CUL4B: variants seen among roughly 807,000 people sequenced by gnomAD.
The protein encoded by CUL4B is cullin 4B.
In CUL4B, 1 loss-of-function variant was observed where a neutral mutation model predicts 69.2. That is an observed-to-expected ratio of 0.01 (90% CI 0.01 to 0.07). The LOEUF is 0.07. CUL4B is among the 10% of genes least tolerant of loss of function. The probability of loss-of-function intolerance (pLI) is 1.00; values close to 1 mark genes in which losing one functional copy is unlikely to be tolerated. For synonymous variants in CUL4B, 237 were observed against 223.2 expected, an observed-to-expected ratio of 1.06 and a Z score of -0.55; for missense variants, 328 against 638.8, an observed-to-expected ratio of 0.51 and a Z score of 5.24.
chrX:120,543,943 G>C (rs1033334424), intron 7 of CUL4B, 134 bp from the exon 8 acceptor site: 1 of 578,649 alleles, frequency 1.7e-6, no homozygotes, highest in Non-Finnish European at 2.9e-6. Flanking sequence ...TATAGGTAGA[G>C]TTTATGATCC....
downstream of CUL4B, among the ~76,000 whole-genome samples, chrX:120,566,794 A>T (rs752222658): frequency 2.4e-3 from 262 of 111,107 alleles, 1 homozygote; most frequent in African/African-American, 8.4e-3. Context: ...TAGCTCAGAG[A>T]TTTTATCTGT....
chrX:120,561,384 G>T, upstream of CUL4B: 1 of 565,923 alleles, frequency 1.8e-6, no homozygotes. Flanking sequence ...GAAGTGACTG[G>T]GCAGACACTT....
At position 120,547,160 on chromosome X, in the gene CUL4B, T is replaced by C; in HGVS notation, c.752A>G (p.Lys251Arg). The change falls in exon 3 of 20, where the codon AAA becomes AGA. Residue 251 changes from lysine (K) to arginine (R), a missense_variant. Lys to Arg is a conservative substitution (Grantham distance 26, BLOSUM62 2). Transcript: ENST00000371322. Reference protein sequence around the residue: ...QLRQICEDHIKAQIHQFREDS... With the variant: ...QLRQICEDHIRAQIHQFREDS... ...TTCTCTGAATTGATGAATCTGTGCT[T>C]TGATGTGATCTTCGCAGATCTGTCT... 8.3e-7 allele frequency: 1 copy of C among 1,203,846 alleles called. No individual in the cohort carries two copies. The highest frequency in any genetic ancestry group is 1.1e-6 in the Non-Finnish European group (1 of 888,435).
At chrX:120,543,320 C>T (rs914613958) in intron 8 of CUL4B, among the ~76,000 whole-genome samples, 3 of 111,123 alleles carry the variant, frequency 2.7e-5, no homozygotes, top group Non-Finnish European at 5.7e-5. Context: ...TCGGCTTTTT[C>T]CAAGTTTTGC....
At position 120,540,561 on chromosome X, in the gene CUL4B, G is replaced by A. The variant is rs1297543201; in HGVS notation, c.1445C>T (p.Ala482Val). 8.4e-7 allele frequency: 1 copy of A among 1,183,992 alleles called. No individual in the cohort carries two copies. The highest frequency in any genetic ancestry group is 1.8e-5 in the African/African-American group (1 of 56,542). Reference protein sequence around the residue: ...LLQQWIEYIKAFGSTIVINPE... With the variant: ...LLQQWIEYIKVFGSTIVINPE... ...ATTAATTACAATAGTGCTGCCAAAT[G>A]CCTAAAACAAAAAATTACCACTTTT... Residue 482 changes from alanine (A) to valine (V), a missense_variant and splice_region_variant, in exon 11 of 20, where the codon GCA (alanine) becomes GTA (valine). Transcript: ENST00000371322.
rs988160940 is a variant in CUL4B, at chrX:120,526,548, C to G, written c.*213G>C. The G allele has an allele frequency of 3.6e-6, 1 of 279,334 alleles. No individual in the cohort carries two copies. The highest frequency in any genetic ancestry group is 6.6e-6 in the Non-Finnish European group (1 of 151,650). 23.0% of individuals were successfully genotyped at this position (279,334 alleles called of 1,213,427 possible). On this transcript the variant is annotated 3_prime_UTR_variant, in exon 20 of 20. Transcript: ENST00000371322. ...TCTGCACATCATACTAAATAACATG[C>G]AAAGAGTTCAACAACATTCTTCTTA...
At chrX:120,552,439 C>T (rs1348866936) in intron 2 of CUL4B, among the ~76,000 whole-genome samples, 5 of 112,761 alleles carry the variant, frequency 4.4e-5, no homozygotes, top group Admixed American at 9.4e-5. Flanking sequence ...TCAGCCACCG[C>T]ACCCAGCCTT....
downstream of CUL4B, among the ~76,000 whole-genome samples, chrX:120,570,897 A>T (rs2147358098): frequency 9.0e-6 from 1 of 111,340 alleles, no homozygotes; most frequent in East Asian, 2.8e-4. Flanking sequence ...GTATTAAAGT[A>T]TAGAAGGAAA....
rs199575215 is a variant in CUL4B at position 120,544,144 on chromosome X, A to C, written c.1143T>G (p.Ala381=). ...FLEETNRLYA[A]EGQKLMQERE... ...TTTCTTGCATTAATTTTTGGCCTTC[A>C]GCTGCATAGAGCCGGTTAGTTTCTT... Residue 381 remains alanine, a synonymous_variant, in exon 7 of 20, where the codon GCT becomes GCG. Transcript: ENST00000371322. 141 of 1,202,790 alleles carry C rather than the reference A, an allele frequency of 1.2e-4. No individual in the cohort carries two copies. The highest frequency in any genetic ancestry group is 1.6e-4 in the Non-Finnish European group (139 of 888,804).
downstream of CUL4B, among the ~76,000 whole-genome samples, chrX:120,568,270 A>T (rs1925614785): frequency 8.9e-6 from 1 of 111,838 alleles, no homozygotes; most frequent in African/African-American, 3.3e-5. Context: ...CTGACCTCAC[A>T]GTATTGCCTA....
upstream of CUL4B, among the ~76,000 whole-genome samples, chrX:120,566,368 T>C (rs780873097): frequency 8.2e-5 from 5 of 60,998 alleles, no homozygotes; most frequent in African/African-American, 5.0e-5. Flanking sequence ...TATATATATA[T>C]ATATATATAT....
chrX:120,561,550 GA>G (rs1925321399), upstream of CUL4B: 1 of 284,047 alleles, frequency 3.5e-6, no homozygotes, highest in Non-Finnish European at 6.1e-6. Context: ...TTCTGAAGGC[GA>G]GGGGGTGGGG....
intron 2 of CUL4B, 69 bp downstream of exon 2, chrX:120,557,855 A>G (rs903042940): frequency 1.9e-5 from 14 of 719,682 alleles, no homozygotes; most frequent in Non-Finnish European, 2.9e-5. Flanking sequence ...CTATTTCAGA[A>G]AGCAAAATCC....
chrX:120,536,867 G>A, intron 15 of CUL4B, 60 bp downstream of exon 15: 1 of 834,405 alleles, frequency 1.2e-6, no homozygotes, highest in Non-Finnish European at 1.8e-6. Context: ...TAAATGACAA[G>A]CAAAATGGAA....
chrX:120,566,582 A>G (rs764434013), downstream of CUL4B, among the ~76,000 whole-genome samples: 2 of 105,878 alleles, frequency 1.9e-5, no homozygotes, highest in Non-Finnish European at 3.9e-5. Context: ...TTTTTAGTAG[A>G]GACGGGGTTT....
At chrX:120,534,424 C>T in intron 17 of CUL4B, 57 bp downstream of exon 17, 1 of 800,583 alleles carries the variant, frequency 1.2e-6, no homozygotes, top group South Asian at 2.0e-5. Context: ...AATATGTCCC[C>T]CAGACCTCTT....
At position 120,536,950 on chromosome X, in the gene CUL4B, T is replaced by C. The variant is rs768970682; in HGVS notation, c.2023A>G (p.Met675Val). 7 of 1,201,338 alleles carry C rather than the reference T, an allele frequency of 5.8e-6. No homozygotes were observed. In the Admixed American group the frequency reaches 1.1e-4, roughly 19 times the overall value. ...TMGYWPTYVP[M>V]EVHLPPEMVK... ...ACCTCTGGTGGTAAATGAACTTCCATAGGCACATATGTCGGCCAATAGCCC... is the reference window on the plus strand; with the variant it reads ...ACCTCTGGTGGTAAATGAACTTCCACAGGCACATATGTCGGCCAATAGCCC... The change falls in exon 15 of 20, where the codon ATG becomes GTG. Residue 675 changes from methionine (M) to valine (V), a missense_variant. Met to Val is a conservative substitution (Grantham distance 21). Coordinates refer to ENST00000371322, the MANE Select transcript of CUL4B (RefSeq NM_001079872.2).
At position 120,526,447 on chromosome X, in the gene CUL4B, T is replaced by A; in HGVS notation, c.*314A>T. On this transcript the variant is annotated 3_prime_UTR_variant, in exon 20 of 20. Coordinates refer to ENST00000371322, the MANE Select transcript of CUL4B (RefSeq NM_001079872.2). Reference sequence around the variant, plus strand: ...AATGGTGTGTAAGAACCCTCCCCCCTTTTTAATAGCCACAGGGATCTCTTT... The same window carrying A: ...AATGGTGTGTAAGAACCCTCCCCCCATTTTAATAGCCACAGGGATCTCTTT... 1 of 208,900 alleles carries A rather than the reference T, an allele frequency of 4.8e-6. No individual in the cohort carries two copies. The highest frequency in any genetic ancestry group is 6.7e-5 in the South Asian group (1 of 15,015). 17.2% of individuals were successfully genotyped at this position (208,900 alleles called of 1,213,427 possible). A position where few individuals can be genotyped will look rare whatever the true frequency, so the allele number is the denominator to read the frequency against.
rs186860428 is a variant in CUL4B, at chrX:120,538,246, G to A, written c.1853-37C>T. 1.5e-3 allele frequency: 1,398 copies of A among 955,030 alleles called. 17 individuals are homozygous for A. The Admixed American group carries it at 0.017, about 12-fold the overall frequency. The allele number at this position is 955,030 out of a possible 1,213,427, so 78.7% of individuals were successfully genotyped here. ...GTTTGTACATGTATAATATTTTAAA[G>A]TGGTAAAAACAAAAGAGGTTTAAAA... On this transcript the variant is annotated intron_variant, in intron 13 of 19. Coordinates refer to ENST00000371322, the MANE Select transcript of CUL4B (RefSeq NM_001079872.2).
Sources: gnomAD v4.1 joint callset for allele counts (sites outside exome capture counted in the v4.1 genomes callset) on GRCh38, gnomAD v4.1.1 for gene constraint, MANE v1.5 for transcripts, NCBI Gene and HGNC (gene_info 2026-07-23, HGNC 2026-07-21) for gene names.